CSTF3: variants seen among roughly 807,000 people sequenced by gnomAD.
CSTF3 encodes the protein cleavage stimulation factor subunit 3.
In CSTF3, 29 loss-of-function variants were observed where a neutral mutation model predicts 105.8. That is an observed-to-expected ratio of 0.27 (90% CI 0.20 to 0.37). The LOEUF (loss-of-function observed/expected upper bound fraction) is 0.37. CSTF3 is among the 10% of genes least tolerant of loss of function. The pLI is 1.00. For synonymous variants in CSTF3, 252 were observed against 281.9 expected (o/e 0.89, Z 1.06); for missense variants, 357 against 879.3 (o/e 0.41, Z 7.51).
At chr11:33,147,580 A>C (rs1855800749) in intron 1 of CSTF3, among the ~76,000 whole-genome samples, 2 of 152,136 alleles carry the variant, frequency 1.3e-5, no homozygotes. Context: ...TAGTCTCAAA[A>C]AAAAAAAAGA....
chr11:33,160,439 C>T (rs752607753), intron 1 of CSTF3, among the ~76,000 whole-genome samples: 5 of 152,152 alleles, frequency 3.3e-5, no homozygotes, highest in Admixed American at 6.5e-5. Flanking sequence ...CTGCAGGCTA[C>T]CTAGCCTCCA....
At chr11:33,109,323 C>T (rs1164572567) in intron 3 of CSTF3, among the ~76,000 whole-genome samples, 2 of 152,146 alleles carry the variant, frequency 1.3e-5, no homozygotes, top group Admixed American at 6.5e-5. Context: ...CCTTTTATCT[C>T]AAGTAGTACA....
intron 1 of CSTF3, among the ~76,000 whole-genome samples, chr11:33,143,243 T>C (rs2133800269): frequency 6.6e-6 from 1 of 152,314 alleles, no homozygotes; most frequent in East Asian, 1.9e-4. Flanking sequence ...GCAGTAGAAT[T>C]AGAGGCTGAT....
At chr11:33,130,237 C>T (rs1855584717) in intron 3 of CSTF3, among the ~76,000 whole-genome samples, 1 of 152,138 alleles carries the variant, frequency 6.6e-6, no homozygotes, top group Non-Finnish European at 1.5e-5. Flanking sequence ...TTTTCGGAGG[C>T]CTAGGCGGGT....
At chr11:33,120,506 C>G (rs1442997840) in intron 3 of CSTF3, among the ~76,000 whole-genome samples, 1 of 151,822 alleles carries the variant, frequency 6.6e-6, no homozygotes, top group Non-Finnish European at 1.5e-5. Flanking sequence ...CTTGATATTA[C>G]TTCATTATGC....
chr11:33,133,706 G>A (rs887220567), intron 3 of CSTF3, among the ~76,000 whole-genome samples: 11 of 152,166 alleles, frequency 7.2e-5, no homozygotes, highest in African/African-American at 2.7e-4. Context: ...TTAGTTGGGT[G>A]TGGTGGAGCA....
At chr11:33,123,850 T>C (rs3117653) in intron 3 of CSTF3, among the ~76,000 whole-genome samples, 84,370 of 151,752 alleles carry the variant, frequency 0.56, 26,056 homozygotes, top group Non-Finnish European at 0.69. Flanking sequence ...ACTGTAGGTT[T>C]CTTTTGTTAT....
chr11:33,102,784 CCA>C (rs1481076225), intron 9 of CSTF3, among the ~76,000 whole-genome samples: 4 of 152,062 alleles, frequency 2.6e-5, no homozygotes, highest in African/African-American at 4.8e-5. Flanking sequence ...TGTTATTAGA[CCA>C]CAGAGTAATA....
At chr11:33,152,785 C>G (rs565454487) in intron 1 of CSTF3, among the ~76,000 whole-genome samples, 1 of 152,078 alleles carries the variant, frequency 6.6e-6, no homozygotes, top group East Asian at 1.9e-4. Flanking sequence ...TTGGTGAAAC[C>G]CTGTCTCTAC....
chr11:33,091,186 T>A (rs1855165361), intron 16 of CSTF3, among the ~76,000 whole-genome samples: 1 of 152,230 alleles, frequency 6.6e-6, no homozygotes, highest in South Asian at 2.1e-4. Context: ...AATACATTCT[T>A]CATCTAATAT....
intron 15 of CSTF3, among the ~76,000 whole-genome samples, chr11:33,093,628 T>C (rs897399340): frequency 1.3e-5 from 2 of 152,190 alleles, no homozygotes; most frequent in African/African-American, 2.4e-5. Context: ...TAAGATAGTT[T>C]ACATTTTTTT....
At chr11:33,095,876 T>C (rs1199040045) in intron 15 of CSTF3, among the ~76,000 whole-genome samples, 2 of 152,088 alleles carry the variant, frequency 1.3e-5, no homozygotes, top group African/African-American at 4.8e-5. Flanking sequence ...AAAATGTTTC[T>C]TTTTGAATCT....
rs79916832 is a variant in CSTF3, at chr11:33,142,510, T to A, written c.28-524A>T. 6.0e-4 allele frequency among the ~76,000 whole-genome samples: 92 copies of A among 152,282 alleles called. No homozygotes were observed. The East Asian group carries it at 0.015, about 25-fold the overall frequency. On this transcript the variant is annotated intron_variant, in intron 1 of 20. Transcript: ENST00000323959. ...TAATCAGAAGTAACTTGCATAAAGA[T>A]AATAAAACCAAGTGATCAAGTATTT... is the stretch of plus-strand genomic sequence containing the variant.
At chr11:33,149,480 G>T (rs1855830016) in intron 1 of CSTF3, among the ~76,000 whole-genome samples, 2 of 152,310 alleles carry the variant, frequency 1.3e-5, no homozygotes, top group South Asian at 4.1e-4. Context: ...TTCTGGCCTG[G>T]TTACCATAAT....
At chr11:33,145,940 G>A (rs1855776545) in intron 1 of CSTF3, among the ~76,000 whole-genome samples, 2 of 151,974 alleles carry the variant, frequency 1.3e-5, no homozygotes, top group African/African-American at 2.4e-5. Flanking sequence ...AGGGCAAGTA[G>A]AAACTGATCA....
intron 3 of CSTF3, among the ~76,000 whole-genome samples, chr11:33,115,272 C>CAAATGG (rs1306910658): frequency 6.6e-6 from 1 of 152,160 alleles, no homozygotes; most frequent in African/African-American, 2.4e-5. Context: ...AATCTGAAAG[C>CAAATGG]AAATGGAATC....
rs2133814617 is a variant in CSTF3 at position 33,161,175 on chromosome 11, T to C, written c.27+124A>G. The C allele has an allele frequency of 9.0e-6, 9 of 996,872 alleles. No homozygotes were observed. In the East Asian group the frequency reaches 1.5e-4, roughly 16 times the overall value. 61.8% of individuals were successfully genotyped at this position (996,872 alleles called of 1,614,324 possible). On this transcript the variant is annotated intron_variant, in intron 1 of 20. Coordinates refer to ENST00000323959, the MANE Select transcript of CSTF3 (RefSeq NM_001326.3). The stretch of plus-strand genomic sequence containing the variant: ...TTGCTCCCCATTCCCACCACTCTTC[T>C]ATATACCCTGTCCCCCGGGTTCACT...
Position 33,106,077 on chromosome 11 carries a change from T to G in CSTF3, c.357-13A>C, listed in dbSNP as rs375755179. On this transcript the variant is annotated splice_polypyrimidine_tract_variant and intron_variant, in intron 5 of 20. Transcript: ENST00000323959. ...AGCCATTTTTTCTCTGAAATGAACATGAAAGACGTGGTTTTTAAATTTTTT... is the reference window on the plus strand; with the variant it reads ...AGCCATTTTTTCTCTGAAATGAACAGGAAAGACGTGGTTTTTAAATTTTTT... 1.2e-6 allele frequency: 2 copies of G among 1,605,142 alleles called. No individual in the cohort carries two copies. Among genetic ancestry groups the G allele is most frequent in the African/African-American group, 2.7e-5 (2 of 74,562 alleles).
chr11:33,103,865 C>T (rs1855303084), intron 8 of CSTF3, among the ~76,000 whole-genome samples: 1 of 152,066 alleles, frequency 6.6e-6, no homozygotes, highest in Non-Finnish European at 1.5e-5. Flanking sequence ...ACAGAGTCTT[C>T]CTCTGTCACC....
Sources: allele counts gnomAD v4.1 joint callset (sites outside exome capture counted in the v4.1 genomes callset), GRCh38; gene constraint gnomAD v4.1.1; transcripts MANE v1.5; gene names NCBI Gene and HGNC (gene_info 2026-07-23, HGNC 2026-07-21).